Variants in CDH13 observed in about 807,000 individuals in gnomAD.
CDH13 encodes the protein cadherin 13, also known as cadherin-13.
Under a neutral mutation model 63.8 loss-of-function variants are expected in CDH13, and 24 were observed. The ratio of observed to expected loss-of-function variants is 0.38; its 90% CI spans 0.27 to 0.53. CDH13 has a LOEUF of 0.53. CDH13 is among the 20% of genes least tolerant of loss of function. CDH13 has a pLI of 0.85. For missense variants in CDH13, 1,049 were observed against 903.1 expected (o/e 1.16, Z -2.07); for synonymous variants, 503 against 355.3 (o/e 1.42, Z -4.67).
At chr16:83,328,944 C>G (rs1463336513) in intron 5 of CDH13, among the ~76,000 whole-genome samples, 3 of 152,172 alleles carry the variant, frequency 2.0e-5, no homozygotes, top group Non-Finnish European at 4.4e-5. Flanking sequence ...CCATGAAGGT[C>G]TTGTTCACAG....
At chr16:82,970,843 T>C (rs987404020) in intron 2 of CDH13, among the ~76,000 whole-genome samples, 35 of 152,316 alleles carry the variant, frequency 2.3e-4, no homozygotes, top group African/African-American at 7.7e-4. Context: ...TTGTTTTACC[T>C]TTGAAATTTT....
At chr16:83,220,625 A>G (rs2039668876) in intron 5 of CDH13, among the ~76,000 whole-genome samples, 1 of 148,424 alleles carries the variant, frequency 6.7e-6, no homozygotes, top group African/African-American at 2.5e-5. Context: ...ATAATAAATA[A>G]ATAAAAATAA....
rs190839341 is a variant in CDH13, at chr16:83,139,473, T to A, written c.483+13972T>A. Among the ~76,000 whole-genome samples, 864 of 152,366 alleles carry A rather than the reference T, an allele frequency of 5.7e-3. 4 individuals are homozygous for A. Among genetic ancestry groups the A allele is most frequent in the African/African-American group, 0.02 (820 of 41,576 alleles). ...TTGAATGCTGATGTTGGCTATGCAT[T>A]AGTTTACACAATTCACAGGCTCTGT... On this transcript the variant is annotated intron_variant, in intron 4 of 13. Transcript: ENST00000567109.
intron 10 of CDH13, among the ~76,000 whole-genome samples, chr16:83,728,335 G>A (rs1910661015): frequency 7.4e-6 from 1 of 134,438 alleles, no homozygotes; most frequent in Admixed American, 7.8e-5. Context: ...GTATGTGTAT[G>A]TGTGTGCGTG....
intron 11 of CDH13, among the ~76,000 whole-genome samples, chr16:83,760,740 G>A (rs956202051): frequency 3.3e-5 from 5 of 152,184 alleles, no homozygotes; most frequent in Non-Finnish European, 7.4e-5. Context: ...CAAACTGTGT[G>A]TTTGATACAT....
At chr16:83,433,474 A>G (rs536724346) in intron 6 of CDH13, among the ~76,000 whole-genome samples, 1 of 152,272 alleles carries the variant, frequency 6.6e-6, no homozygotes, top group African/African-American at 2.4e-5. Context: ...AACCACAATG[A>G]CCCCATGTAA....
chr16:82,680,052 G>T (rs761214068), intron 1 of CDH13, among the ~76,000 whole-genome samples: 1 of 152,172 alleles, frequency 6.6e-6, no homozygotes, highest in Non-Finnish European at 1.5e-5. Context: ...GAATTTGCTT[G>T]TCCCTATCCA....
At chr16:82,652,706 G>GT (rs10719140) in intron 1 of CDH13, among the ~76,000 whole-genome samples, 2,605 of 120,908 alleles carry the variant, frequency 0.022, 58 homozygotes, top group African/African-American at 0.059. Context: ...ACCTAGAATT[G>GT]TTTTTTTTTT....
intron 8 of CDH13, among the ~76,000 whole-genome samples, chr16:83,631,514 G>T (rs188006953): frequency 6.6e-6 from 1 of 152,024 alleles, no homozygotes; most frequent in Non-Finnish European, 1.5e-5. Context: ...TCCTGATCTC[G>T]GGAAGATCCA....
Position 83,774,247 on chromosome 16 carries a change from A to C in CDH13, c.1682-5721A>C, listed in dbSNP as rs1354754300. Among the ~76,000 whole-genome samples, 3 of 152,224 alleles carry C rather than the reference A, an allele frequency of 2.0e-5. No homozygotes were observed. The East Asian group carries it at 5.8e-4, about 29-fold the overall frequency. ...GACAACTATGACTATGCTAGCTGGA[A>C]ATGATGATTCCTTGGGTACCCAGCC... On this transcript the variant is annotated intron_variant, in intron 11 of 13. Transcript: ENST00000567109.
At chr16:83,467,272 AAAGAC>A (rs1324064636) in intron 6 of CDH13, among the ~76,000 whole-genome samples, 1 of 152,218 alleles carries the variant, frequency 6.6e-6, no homozygotes, top group Non-Finnish European at 1.5e-5. Flanking sequence ...GAAATGAAGA[AAAGAC>A]TTGTCTTGTC....
chr16:83,320,530 A>C (rs2090200103), intron 5 of CDH13, among the ~76,000 whole-genome samples: 1 of 152,216 alleles, frequency 6.6e-6, no homozygotes, highest in Non-Finnish European at 1.5e-5. Flanking sequence ...GAAATCAGAT[A>C]ATCGTCTAAA....
intron 4 of CDH13, among the ~76,000 whole-genome samples, chr16:83,141,117 T>C (rs541532718): frequency 9.2e-5 from 14 of 152,368 alleles, no homozygotes; most frequent in African/African-American, 1.4e-4. Context: ...TCAACACTTA[T>C]ATCTTCTCCC....
intron 2 of CDH13, among the ~76,000 whole-genome samples, chr16:82,895,175 G>A (rs1342545805): frequency 2.6e-5 from 4 of 152,170 alleles, no homozygotes. Context: ...CCCAAAAGGA[G>A]AGCTCATACT....
At chr16:82,667,614 G>A (rs116088064) in intron 1 of CDH13, among the ~76,000 whole-genome samples, 116 of 152,270 alleles carry the variant, frequency 7.6e-4, no homozygotes, top group African/African-American at 2.5e-3. Flanking sequence ...CTGATGTCAC[G>A]TTGCCCCTAT....
intron 3 of CDH13, among the ~76,000 whole-genome samples, chr16:83,033,007 A>G (rs1916511688): frequency 6.6e-6 from 1 of 151,192 alleles, no homozygotes. Flanking sequence ...CACATATACC[A>G]CATGTATGTA....
At chr16:82,949,359 T>C (rs1040464263) in intron 2 of CDH13, among the ~76,000 whole-genome samples, 1 of 152,212 alleles carries the variant, frequency 6.6e-6, no homozygotes, top group East Asian at 1.9e-4. Context: ...CATTTTCTTA[T>C]ATGGACCCCA....
intron 3 of CDH13, among the ~76,000 whole-genome samples, chr16:83,090,256 A>G (rs969443338): frequency 7.9e-5 from 12 of 152,054 alleles, no homozygotes; most frequent in African/African-American, 2.9e-4. Context: ...GACCATCCCA[A>G]TCAGACCCCT....
intron 3 of CDH13, among the ~76,000 whole-genome samples, chr16:83,108,252 A>C (rs12716962): frequency 0.49 from 74,141 of 152,064 alleles, 18,405 homozygotes; most frequent in Middle Eastern, 0.6. Context: ...GCAAAGGACC[A>C]CAGAGGAAGG....
Sources: gnomAD v4.1 joint callset for allele counts (sites outside exome capture counted in the v4.1 genomes callset) on GRCh38, gnomAD v4.1.1 for gene constraint, MANE v1.5 for transcripts, NCBI Gene and HGNC (gene_info 2026-07-23, HGNC 2026-07-21) for gene names.